FAM120B: variants seen among roughly 807,000 people sequenced by gnomAD.
FAM120B encodes the protein constitutive coactivator of peroxisome proliferator-activated receptor gamma.
Under a neutral mutation model 96.3 loss-of-function variants are expected in FAM120B, and 83 were observed. That is an observed-to-expected ratio of 0.86 (90% CI 0.72 to 1.03). The LOEUF (loss-of-function observed/expected upper bound fraction) is 1.03, where lower values mean the gene tolerates loss of function less well. Ranked by LOEUF, FAM120B falls within the 50% of genes least tolerant of loss-of-function variation. FAM120B has a pLI of 0.00. For missense variants in FAM120B, 1,027 were observed against 1,121.2 expected (o/e 0.92, Z 1.20); for synonymous variants, 407 against 402.7 (o/e 1.01, Z -0.13).
chr6:170,349,283 C>A (rs141193559), intron 5 of FAM120B, among the ~76,000 whole-genome samples: 295 of 152,332 alleles, frequency 1.9e-3, no homozygotes, highest in African/African-American at 6.9e-3. Flanking sequence ...CTTCTCTGAC[C>A]TCCCTATATG....
intron 1 of FAM120B, among the ~76,000 whole-genome samples, chr6:170,311,369 T>C: frequency 6.6e-6 from 1 of 152,064 alleles, no homozygotes; most frequent in East Asian, 1.9e-4. Context: ...TGAAGGTGAG[T>C]TTTTTTTCCC....
chr6:170,291,087 A>T (rs922756753), upstream of FAM120B: 1 of 698,668 alleles, frequency 1.4e-6, no homozygotes, highest in Non-Finnish European at 2.6e-6. Context: ...GTGAGCTGTA[A>T]AATGTGCAAC....
chr6:170,376,024 C>T (rs1415053114), intron 6 of FAM120B, among the ~76,000 whole-genome samples: 3 of 152,192 alleles, frequency 2.0e-5, no homozygotes, highest in Middle Eastern at 3.4e-3. Flanking sequence ...CCCAGATACA[C>T]GGGGAGCTGT....
chr6:170,387,457 C>T (rs1414358952), intron 6 of FAM120B, among the ~76,000 whole-genome samples: 1 of 152,210 alleles, frequency 6.6e-6, no homozygotes, highest in East Asian at 1.9e-4. Context: ...TTTACGGACT[C>T]ATGTGGACAC....
Position 170,363,699 on chromosome 6 carries a change from G to A in FAM120B, c.2283+5381G>A, listed in dbSNP as rs562854485. On this transcript the variant is annotated intron_variant, in intron 6 of 10. Coordinates refer to ENST00000476287, the MANE Select transcript of FAM120B (RefSeq NM_032448.3). The surrounding 1 kb of genome is among the most constrained non-coding windows in gnomAD (Gnocchi z 4.5). Reference sequence around the variant, plus strand: ...GGTAATCACTGTGCTGTGATAGTGTGTGCACCAGCGAAACATGGCATTCCT... The same window carrying A: ...GGTAATCACTGTGCTGTGATAGTGTATGCACCAGCGAAACATGGCATTCCT... Among the ~76,000 whole-genome samples the A allele has an allele frequency of 6.6e-6, 1 of 152,346 alleles. No individual in the cohort carries two copies. Among genetic ancestry groups the A allele is most frequent in the East Asian group, 1.9e-4 (1 of 5,188 alleles).
intron 1 of FAM120B, among the ~76,000 whole-genome samples, chr6:170,312,156 A>C (rs533957192): frequency 1.9e-3 from 296 of 152,344 alleles, no homozygotes; most frequent in African/African-American, 6.9e-3. Flanking sequence ...AATTTTTAGA[A>C]GCAGTGAATA....
intron 1 of FAM120B, among the ~76,000 whole-genome samples, chr6:170,307,695 G>A (rs879305115): frequency 1.4e-4 from 21 of 152,186 alleles, no homozygotes; most frequent in Non-Finnish European, 3.1e-4. Context: ...AGAATGTGGG[G>A]CAAGGAAGTG....
At position 170,404,061 on chromosome 6, in the gene FAM120B, GA is replaced by G. The variant is rs560000200; in HGVS notation, c.2693-484del. 1.3e-3 allele frequency: 195 copies of G among 154,210 alleles called. 3 individuals are homozygous for G. Among genetic ancestry groups the G allele is most frequent in the Admixed American group, 0.011 (173 of 15,420 alleles). 9.6% of individuals were successfully genotyped at this position (154,210 alleles called of 1,614,324 possible). A position where few individuals can be genotyped will look rare whatever the true frequency, so the allele number is the denominator to read the frequency against. ...AAGAAAAGTGTTATTTTTAAAATGT[GA>G]AAAACTGTCACCGTTTTTGCTACTA... On this transcript the variant is annotated intron_variant, in intron 9 of 10. Transcript: ENST00000476287.
In FAM120B at chr6:170,397,952, A is replaced by C. The variant is rs1024161824; in HGVS notation, c.2692+2373A>C. On this transcript the variant is annotated intron_variant, in intron 9 of 10. Transcript: ENST00000476287. ...GTCCCCTACTCCTAGCCTCGTGGTA[A>C]GAAAGGAGACCTTCTGCTTACCCTC... Among the ~76,000 whole-genome samples the C allele has an allele frequency of 6.0e-5, 9 of 151,044 alleles. No homozygotes were observed. The Admixed American group carries it at 6.0e-4, about 10-fold the overall frequency.
intron 4 of FAM120B, among the ~76,000 whole-genome samples, chr6:170,339,129 G>A (rs1482865904): frequency 1.3e-5 from 2 of 152,218 alleles, no homozygotes; most frequent in East Asian, 3.9e-4. Flanking sequence ...TTTTTGGTGT[G>A]TTTTTGCAGT....
At chr6:170,403,612 A>C (rs1778693133) in intron 9 of FAM120B, among the ~76,000 whole-genome samples, 1 of 152,200 alleles carries the variant, frequency 6.6e-6, no homozygotes, top group South Asian at 2.1e-4. Context: ...CAGTGCAGGC[A>C]GCTGCCCCGA....
intron 4 of FAM120B, among the ~76,000 whole-genome samples, chr6:170,343,657 A>G (rs1253085687): frequency 6.6e-6 from 1 of 152,092 alleles, no homozygotes; most frequent in African/African-American, 2.4e-5. Context: ...GAAACTCAGC[A>G]GCTGAATCAC....
At chr6:170,355,384 C>T (rs1787840795) in intron 5 of FAM120B, among the ~76,000 whole-genome samples, 1 of 152,092 alleles carries the variant, frequency 6.6e-6, no homozygotes, top group South Asian at 2.1e-4. Flanking sequence ...TACTATGCAG[C>T]CATAAAAAGG....
intron 6 of FAM120B, among the ~76,000 whole-genome samples, chr6:170,371,924 A>G (rs946660719): frequency 5.3e-5 from 8 of 152,208 alleles, no homozygotes; most frequent in African/African-American, 1.2e-4. Flanking sequence ...ACCTTCACGC[A>G]GTTTTCAAGA....
rs556326160 is a variant in FAM120B, at chr6:170,377,882, C to G, written c.2284-10405C>G. Among the ~76,000 whole-genome samples, 49 of 108,106 alleles carry G rather than the reference C, an allele frequency of 4.5e-4. 1 individual carries two copies. Among genetic ancestry groups the G allele is most frequent in the South Asian group, 1.5e-3 (5 of 3,292 alleles). The allele number at this position is 108,106 out of a possible 152,430, so 70.9% of individuals were successfully genotyped here. ...TGGGAGAGCACCGGCTCACGCTGCTCGGTGCTGTGCACACGCGTCCCTAAA... is the reference window on the plus strand; with the variant it reads ...TGGGAGAGCACCGGCTCACGCTGCTGGGTGCTGTGCACACGCGTCCCTAAA... On this transcript the variant is annotated intron_variant, in intron 6 of 10. Transcript: ENST00000476287.
intron 5 of FAM120B, among the ~76,000 whole-genome samples, chr6:170,350,016 A>T (rs1445661157): frequency 1.3e-5 from 2 of 152,162 alleles, no homozygotes; most frequent in African/African-American, 4.8e-5. Flanking sequence ...CATGTATCAG[A>T]TCCCTTCATG....
Position 170,339,514 on chromosome 6 carries a change from C to T in FAM120B, c.2018-8637C>T, listed in dbSNP as rs571788332. Among the ~76,000 whole-genome samples the T allele has an allele frequency of 5.3e-5, 8 of 151,754 alleles. No individual in the cohort carries two copies. The South Asian group carries it at 6.3e-4, about 12-fold the overall frequency. ...TTTCTTTAAGAATGTCGGGGCCAGG[C>T]GGGGTGGCTCATGCCTGTAATCCCA... On this transcript the variant is annotated intron_variant, in intron 4 of 10. Transcript: ENST00000476287.
chr6:170,400,602 G>A (rs1778517871), intron 9 of FAM120B, among the ~76,000 whole-genome samples: 1 of 152,162 alleles, frequency 6.6e-6, no homozygotes, highest in African/African-American at 2.4e-5. Context: ...CGGCTGCAGG[G>A]ACGGCACCTC....
intron 4 of FAM120B, among the ~76,000 whole-genome samples, chr6:170,340,875 G>A (rs991669114): frequency 1.3e-5 from 2 of 152,186 alleles, no homozygotes; most frequent in Non-Finnish European, 2.9e-5. Context: ...TCCTAAAGGG[G>A]CACTGACCAG....
Sources: gnomAD v4.1 joint callset for allele counts (sites outside exome capture counted in the v4.1 genomes callset) on GRCh38, gnomAD v4.1.1 for gene constraint, Gnocchi (gnomAD v3.1) non-coding constraint, MANE v1.5 for transcripts, NCBI Gene and HGNC (gene_info 2026-07-23, HGNC 2026-07-21) for gene names.